Variants in CPT1C observed in about 807,000 individuals in gnomAD.
CPT1C encodes the protein palmitoyl thioesterase CPT1C.
Under a neutral mutation model 97.3 loss-of-function variants are expected in CPT1C, and 61 were observed. That is an observed-to-expected ratio of 0.63 (90% confidence interval 0.51 to 0.78). The LOEUF is 0.78. Among genes scored for constraint, CPT1C ranks in the 30% least tolerant of loss-of-function variants. CPT1C has a pLI of 0.00. For missense variants in CPT1C, 975 were observed against 1,065.5 expected (o/e 0.92, Z 1.18); for synonymous variants, 469 against 447.2 (o/e 1.05, Z -0.61).
At chr19:49,692,073 G>C (rs945843940) in intron 2 of CPT1C, 166 bp from the exon 3 acceptor site, 7 of 607,454 alleles carry the variant, frequency 1.2e-5, no homozygotes, top group Non-Finnish European at 1.7e-5. Flanking sequence ...CTGGGCTTCT[G>C]GGTCTGAGGG....
rs778852320 is a variant in CPT1C, at chr19:49,701,508, G to A, written c.567G>A (p.Ser189=). 4 of 1,608,108 alleles carry A rather than the reference G, an allele frequency of 2.5e-6. No individual in the cohort carries two copies. Among genetic ancestry groups the A allele is most frequent in the African/African-American group, 1.3e-5 (1 of 74,654 alleles). The change falls in exon 7 of 20, where the codon TCG becomes TCA. Residue 189 remains serine, a synonymous_variant. Transcript: ENST00000598293. ...CTTCTCCCCTTTAGTACCTGGAGTCGGTCCGGCCCATCCTCTCCGACGAGG... is the reference window on the plus strand; with the variant it reads ...CTTCTCCCCTTTAGTACCTGGAGTCAGTCCGGCCCATCCTCTCCGACGAGG... The part of the protein sequence containing the change: ...VQDTVRKYLE[S]VRPILSDEDF...
At chr19:49,702,138 AATAT>A (rs1277377576) in intron 7 of CPT1C, among the ~76,000 whole-genome samples, 1 of 72,526 alleles carries the variant, frequency 1.4e-5, no homozygotes, top group Non-Finnish European at 3.0e-5. Context: ...ATTATAAATA[AATAT>A]ATATTTATTT....
chr19:49,713,391 C>T, intron 19 of CPT1C, 29 bp from the exon 20 acceptor site: 1 of 1,579,688 alleles, frequency 6.3e-7, no homozygotes, highest in East Asian at 2.2e-5. Context: ...CTCCCAGCTT[C>T]CCCTGGCTCT....
chr19:49,701,903 T>C (rs1323168829), intron 7 of CPT1C, among the ~76,000 whole-genome samples: 1 of 103,722 alleles, frequency 9.6e-6, no homozygotes, highest in Non-Finnish European at 1.7e-5. Flanking sequence ...TTTATAAATA[T>C]ATATATTTAT....
chr19:49,704,594 TC>T, intron 7 of CPT1C, 115 bp from the exon 8 acceptor site: 1 of 760,416 alleles, frequency 1.3e-6, no homozygotes, highest in East Asian at 2.7e-5. Context: ...ATGGCTGACT[TC>T]TTTGGCTCTA....
At position 49,710,676 on chromosome 19, in the gene CPT1C, C is replaced by A. The variant is rs188331941; in HGVS notation, c.1732-47C>A. 2,058 of 1,595,510 alleles carry A rather than the reference C, an allele frequency of 1.3e-3. 4 individuals are homozygous for A. The highest frequency in any genetic ancestry group is 4.3e-3 in the South Asian group (387 of 89,950). Reference sequence around the variant, plus strand: ...CAGAGATAGGTCAAGTCTGTAAGATCTCCTGAGCCCAGCTGACAGACTCCT... The same window carrying A: ...CAGAGATAGGTCAAGTCTGTAAGATATCCTGAGCCCAGCTGACAGACTCCT... On this transcript the variant is annotated intron_variant, in intron 15 of 19. Transcript: ENST00000598293.
chr19:49,710,099 C>T (rs894649963), intron 14 of CPT1C, among the ~76,000 whole-genome samples: 4 of 152,176 alleles, frequency 2.6e-5, no homozygotes, highest in East Asian at 1.9e-4. Flanking sequence ...CCGCCCGCCT[C>T]GGCCTCCCAA....
At chr19:49,701,074 T>C (rs2083010458) in intron 5 of CPT1C, among the ~76,000 whole-genome samples, 1 of 73,002 alleles carries the variant, frequency 1.4e-5, no homozygotes, top group Non-Finnish European at 2.5e-5. Context: ...CGTCCCCCCC[T>C]CTGGGTCTCT....
intron 5 of CPT1C, 95 bp from the exon 6 acceptor site, chr19:49,701,222 C>T (rs2083031350): frequency 6.0e-6 from 6 of 1,003,504 alleles, no homozygotes; most frequent in Non-Finnish European, 8.9e-6. Flanking sequence ...TCTCTGTGTC[C>T]TTCTCTTTGG....
At chr19:49,701,240 T>A (rs2083032295) in intron 5 of CPT1C, 77 bp from the exon 6 acceptor site, 2 of 1,232,578 alleles carry the variant, frequency 1.6e-6, no homozygotes, top group Non-Finnish European at 2.3e-6. Context: ...TGGGTTTCTG[T>A]CCCACTGTCG....
chr19:49,712,385 G>A (rs529941540), intron 17 of CPT1C: 4 of 338,724 alleles, frequency 1.2e-5, no homozygotes, highest in Admixed American at 4.6e-5. Context: ...GAAAGGATGC[G>A]TCAGCAGAGA....
intron 13 of CPT1C, among the ~76,000 whole-genome samples, chr19:49,708,002 C>CAAAAAAAA (rs60276067): frequency 5.3e-5 from 3 of 56,788 alleles, no homozygotes; most frequent in Non-Finnish European, 7.0e-5. Flanking sequence ...GAATACATCT[C>CAAAAAAAA]AAAAAAAAAA....
At position 49,713,078 on chromosome 19, in the gene CPT1C, GTA is replaced by G; in HGVS notation, c.2226+17_2226+18del. 6.2e-7 allele frequency: 1 copy of G among 1,601,648 alleles called. No individual in the cohort carries two copies. Among genetic ancestry groups the G allele is most frequent in the Non-Finnish European group, 8.6e-7 (1 of 1,168,716 alleles). On this transcript the variant is annotated intron_variant, in intron 19 of 19. Coordinates refer to ENST00000598293, the MANE Select transcript of CPT1C (RefSeq NM_001199753.2). ...AGCACAAAAACGGTGAGACAAACGT[GTA>G]TACCCACCAACTCCCTCTTTCCTCA...
At position 49,711,936 on chromosome 19, in the gene CPT1C, A is replaced by G; in HGVS notation, c.1994A>G (p.His665Arg). 6.2e-7 allele frequency: 1 copy of G among 1,613,998 alleles called. No individual in the cohort carries two copies. The stretch of plus-strand genomic sequence containing the variant: ...CTGTACATCGTGTCCCGATTCCTCC[A>G]CCTGCAGTCGCCCTTCCTGACCCAG... ...FALYIVSRFL[H>R]LQSPFLTQVH... Residue 665 changes from histidine (H) to arginine (R), a missense_variant, in exon 17 of 20, where the codon CAC (histidine) becomes CGC (arginine). By Grantham distance (29) the His-to-Arg change is conservative. Transcript: ENST00000598293.
At position 49,704,955 on chromosome 19, in the gene CPT1C, C is replaced by T. The variant is rs552888111; in HGVS notation, c.772-52C>T. ...CCTGTATTTGGGTCAGTGGCTCCAT[C>T]GGGGGCAAACCTGACCCTGGGTGTT... On this transcript the variant is annotated intron_variant, in intron 8 of 19. Coordinates refer to ENST00000598293, the MANE Select transcript of CPT1C (RefSeq NM_001199753.2). 5.5e-5 allele frequency: 83 copies of T among 1,502,492 alleles called. No individual in the cohort carries two copies. The East Asian group carries it at 1.2e-3, about 22-fold the overall frequency. 93.1% of individuals were successfully genotyped at this position (1,502,492 alleles called of 1,614,324 possible). A position where few individuals can be genotyped will look rare whatever the true frequency, so the allele number is the denominator to read the frequency against.
intron 14 of CPT1C, among the ~76,000 whole-genome samples, chr19:49,709,189 A>G (rs2083691661): frequency 6.7e-6 from 1 of 149,538 alleles, no homozygotes; most frequent in Non-Finnish European, 1.5e-5. Flanking sequence ...ATCCCATCCC[A>G]ACACCACCTG....
intron 14 of CPT1C, among the ~76,000 whole-genome samples, chr19:49,709,429 C>T (rs1288015671): frequency 6.6e-6 from 1 of 151,880 alleles, no homozygotes; most frequent in East Asian, 1.9e-4. Context: ...CTTCCCATAC[C>T]CAACCCCTTC....
chr19:49,692,137 T>G, intron 2 of CPT1C, 102 bp from the exon 3 acceptor site: 1 of 1,274,214 alleles, frequency 7.8e-7, no homozygotes, highest in Non-Finnish European at 1.1e-6. Flanking sequence ...GACTGGGGCC[T>G]GGACTCCTGG....
chr19:49,700,766 C>A lies in CPT1C; in HGVS notation c.364C>A (p.Leu122Met). ...SCLWGALIFT[L>M]HVALRLLLSY... Reference sequence around the variant, plus strand: ...TTTGTGGGGAGCCCTGATCTTCACACTGCACGTGGCCCTGAGGCTGCTTCT... The same window carrying A: ...TTTGTGGGGAGCCCTGATCTTCACAATGCACGTGGCCCTGAGGCTGCTTCT... Residue 122 changes from leucine (L) to methionine (M), a missense_variant, in exon 5 of 20, where the codon CTG becomes ATG. Physicochemically the swap from Leu to Met is conservative, Grantham distance 15. Around this residue, in one of 3 missense-constraint regions of CPT1C, gnomAD observed 596 missense variants for 603.1 expected, o/e 0.99. Transcript: ENST00000598293. 6.2e-7 allele frequency: 1 copy of A among 1,613,328 alleles called. No homozygotes were observed. Among genetic ancestry groups the A allele is most frequent in the South Asian group, 1.1e-5 (1 of 91,080 alleles).
Sources: allele counts gnomAD v4.1 joint callset (sites outside exome capture counted in the v4.1 genomes callset), GRCh38; gene constraint gnomAD v4.1.1; regional missense constraint gnomAD v4.1.1; transcripts MANE v1.5; gene names NCBI Gene and HGNC (gene_info 2026-07-23, HGNC 2026-07-21).